Variants in IGSF11 observed in about 807,000 individuals in gnomAD.
IGSF11 encodes the protein CXADR like 1.
IGSF11 carries 22 observed loss-of-function variants against 41.0 expected under a neutral mutation model. That is an observed-to-expected ratio of 0.54 (90% CI 0.38 to 0.77). IGSF11 has a LOEUF of 0.77. IGSF11 is among the 30% of genes least tolerant of loss of function. IGSF11 has a pLI of 0.00. For missense variants in IGSF11, 444 were observed against 530.8 expected, an observed-to-expected ratio of 0.84 and a Z score of 1.61; for synonymous variants, 219 against 201.3, an observed-to-expected ratio of 1.09 and a Z score of -0.74.
intron 1 of IGSF11, among the ~76,000 whole-genome samples, chr3:119,094,669 C>T (rs2076820139): frequency 7.8e-6 from 1 of 128,740 alleles, no homozygotes; most frequent in Non-Finnish European, 1.7e-5. Context: ...GAGAGCAACT[C>T]TATTTTTTTT....
intron 1 of IGSF11, among the ~76,000 whole-genome samples, chr3:118,957,094 G>A (rs888658266): frequency 6.6e-6 from 1 of 152,136 alleles, no homozygotes; most frequent in African/African-American, 2.4e-5. Context: ...GGTCTAAGAA[G>A]CAGTGGACCT....
chr3:118,968,400 A>G (rs1182565231), intron 1 of IGSF11, among the ~76,000 whole-genome samples: 1 of 152,278 alleles, frequency 6.6e-6, no homozygotes, highest in South Asian at 2.1e-4. Flanking sequence ...TAGCTTCTCT[A>G]AAACCCAATG....
At chr3:119,046,005 A>G (rs1941333865) in intron 1 of IGSF11, among the ~76,000 whole-genome samples, 1 of 151,482 alleles carries the variant, frequency 6.6e-6, no homozygotes, top group African/African-American at 2.4e-5. Context: ...CATCACCATC[A>G]TCAAAGACCA....
intron 1 of IGSF11, among the ~76,000 whole-genome samples, chr3:118,962,296 T>A: frequency 6.6e-6 from 1 of 152,344 alleles, no homozygotes; most frequent in South Asian, 2.1e-4. Flanking sequence ...TGTAATTACA[T>A]GACTATAATT....
At chr3:118,931,001 T>C (rs751070435) in intron 1 of IGSF11, among the ~76,000 whole-genome samples, 8 of 152,208 alleles carry the variant, frequency 5.3e-5, no homozygotes, top group Non-Finnish European at 8.8e-5. Context: ...TAGGACAGTA[T>C]GGTACTAGCT....
intron 4 of IGSF11, among the ~76,000 whole-genome samples, chr3:118,916,766 A>T (rs896905732): frequency 6.6e-6 from 1 of 152,042 alleles, no homozygotes; most frequent in African/African-American, 2.4e-5. Flanking sequence ...CCGAATAGAC[A>T]TCTACAGAAC....
chr3:118,998,809 A>T (rs1481950876), intron 1 of IGSF11, among the ~76,000 whole-genome samples: 1 of 152,138 alleles, frequency 6.6e-6, no homozygotes, highest in East Asian at 1.9e-4. Context: ...TTAAAAGTTG[A>T]CAAATGGTAT....
chr3:118,931,876 G>C (rs1640418724), intron 1 of IGSF11, among the ~76,000 whole-genome samples: 1 of 151,998 alleles, frequency 6.6e-6, no homozygotes, highest in Non-Finnish European at 1.5e-5. Context: ...GGGACTACAG[G>C]CGCCCGCCAC....
chr3:119,063,509 G>A (rs745863004), intron 1 of IGSF11, among the ~76,000 whole-genome samples: 1 of 151,734 alleles, frequency 6.6e-6, no homozygotes, highest in Non-Finnish European at 1.5e-5. Context: ...CATGAACAGT[G>A]CAGGTACCTA....
chr3:118,973,768 T>C (rs774712529), intron 1 of IGSF11, among the ~76,000 whole-genome samples: 9 of 152,220 alleles, frequency 5.9e-5, no homozygotes, highest in Non-Finnish European at 1.2e-4. Context: ...AGAGCAATCA[T>C]ATGTGCAAAG....
chr3:118,964,217 T>G (rs1945523241), intron 1 of IGSF11, among the ~76,000 whole-genome samples: 1 of 152,148 alleles, frequency 6.6e-6, no homozygotes, highest in African/African-American at 2.4e-5. Flanking sequence ...CATTATGGGT[T>G]TGTATATTTG....
upstream of IGSF11, among the ~76,000 whole-genome samples, chr3:119,107,958 G>C (rs1576807865): frequency 6.7e-6 from 1 of 149,824 alleles, no homozygotes; most frequent in Non-Finnish European, 1.5e-5. Flanking sequence ...TCTCTGTTTT[G>C]GTACCAGTAC....
At chr3:119,106,578 T>A (rs2107512050), upstream of IGSF11, among the ~76,000 whole-genome samples, 1 of 152,230 alleles carries the variant, frequency 6.6e-6, no homozygotes, top group African/African-American at 2.4e-5. Context: ...TGTATACATG[T>A]CCCACATTTT....
rs144448575 is a variant in IGSF11 at position 119,081,438 on chromosome 3, C to T, written c.49+23706G>A. ...GTGAATACTGAATCCACAAGGGCAG[C>T]GTGGGTCCCTACCAGTTCCAAAGGT... is the stretch of plus-strand genomic sequence containing the variant. On this transcript the variant is annotated intron_variant, in intron 1 of 6. Transcript: ENST00000354673. Among the ~76,000 whole-genome samples the T allele has an allele frequency of 2.8e-3, 423 of 152,252 alleles. 1 individual carries two copies. The highest frequency in any genetic ancestry group is 9.9e-3 in the African/African-American group (410 of 41,560).
At chr3:119,052,743 T>G (rs1576735662) in intron 1 of IGSF11, among the ~76,000 whole-genome samples, 1 of 151,486 alleles carries the variant, frequency 6.6e-6, no homozygotes, top group East Asian at 1.9e-4. Context: ...GCAAAAATCC[T>G]CGACAAAATA....
intron 1 of IGSF11, among the ~76,000 whole-genome samples, chr3:118,935,689 C>T (rs1943218098): frequency 6.6e-6 from 1 of 151,948 alleles, no homozygotes; most frequent in Non-Finnish European, 1.5e-5. Context: ...CACATGAAAG[C>T]TGGTGCAGGG....
chr3:119,136,917 A>G (rs1399999566), intron 1 of IGSF11, among the ~76,000 whole-genome samples: 2 of 152,320 alleles, frequency 1.3e-5, no homozygotes, highest in Non-Finnish European at 2.9e-5. Context: ...AAAAGCCAGT[A>G]GCATTTCTAT....
At chr3:119,003,856 T>G (rs1180019345) in intron 1 of IGSF11, among the ~76,000 whole-genome samples, 4 of 150,176 alleles carry the variant, frequency 2.7e-5, no homozygotes, top group African/African-American at 5.0e-5. Context: ...GCTGCTGGAT[T>G]CAGTTTGCCA....
intron 1 of IGSF11, among the ~76,000 whole-genome samples, chr3:118,989,959 G>A (rs1037934128): frequency 1.3e-5 from 2 of 152,128 alleles, no homozygotes; most frequent in African/African-American, 4.8e-5. Flanking sequence ...ACATATTAAG[G>A]AGAAGTATCA....
Sources: gnomAD v4.1 joint callset for allele counts (sites outside exome capture counted in the v4.1 genomes callset) on GRCh38, gnomAD v4.1.1 for gene constraint, MANE v1.5 for transcripts, NCBI Gene and HGNC (gene_info 2026-07-23, HGNC 2026-07-21) for gene names.